The following DGAT2 variants were observed in gnomAD, a reference collection of about 807,000 sequenced individuals.
DGAT2 encodes the protein acyl-CoA retinol O-fatty-acyltransferase.
Under a neutral mutation model 48.4 loss-of-function variants are expected in DGAT2, and 33 were observed. The observed-to-expected ratio is 0.68, with a 90% CI of 0.52 to 0.91. The LOEUF (loss-of-function observed/expected upper bound fraction) is 0.91, where lower values mean the gene tolerates loss of function less well. Among genes scored for constraint, DGAT2 ranks in the 40% least tolerant of loss-of-function variants. DGAT2 has a pLI of 0.00. For synonymous variants in DGAT2, 191 were observed against 194.1 expected (o/e 0.98, Z 0.13); for missense variants, 446 against 493.7 (o/e 0.90, Z 0.92).
intron 1 of DGAT2, among the ~76,000 whole-genome samples, chr11:75,772,814 C>T (rs893604866): frequency 6.6e-6 from 1 of 152,020 alleles, no homozygotes; most frequent in African/African-American, 2.4e-5. Context: ...ATGGTAAAAC[C>T]CCTGTCTCTA....
At position 75,774,561 on chromosome 11, in the gene DGAT2, A is replaced by G. The variant is rs939293136; in HGVS notation, c.121+5449A>G. 5.9e-5 allele frequency among the ~76,000 whole-genome samples: 9 copies of G among 152,254 alleles called. No homozygotes were observed. In the East Asian group the frequency reaches 1.7e-3, roughly 29 times the overall value. ...CAGCCTTCTCATCTGCACAGTGAGG[A>G]GGACTGGTTGAGATGACCCCCTTGG... On this transcript the variant is annotated intron_variant, in intron 1 of 7. Coordinates refer to ENST00000228027, the MANE Select transcript of DGAT2 (RefSeq NM_032564.5).
At chr11:75,796,753 C>T in intron 5 of DGAT2, 1 of 570,658 alleles carries the variant, frequency 1.8e-6, no homozygotes, top group Non-Finnish European at 3.1e-6. Context: ...AGGAGGCCTT[C>T]TTTGACCCCC....
chr11:75,792,504 T>TGG (rs1402848759), intron 4 of DGAT2: 2 of 152,156 alleles, frequency 1.3e-5, no homozygotes, highest in East Asian at 3.9e-4. Context: ...CCACCCCCTT[T>TGG]TCCTGGCCTC....
chr11:75,796,499 A>T lies in DGAT2; in HGVS notation c.601A>T (p.Met201Leu). The change falls in exon 5 of 8, where the codon ATG becomes TTG. Residue 201 changes from methionine (M) to leucine (L), a missense_variant. Met to Leu is a conservative substitution (Grantham distance 15). Transcript: ENST00000228027. ...YLATLAGNFR[M>L]PVLREYLMSG... is the part of the protein sequence containing the mutation. ...GGCTACACTGGCAGGCAACTTCCGA[A>T]TGCCTGTGTTGAGGGAGTACCTGAT... 6.2e-7 allele frequency: 1 copy of T among 1,613,314 alleles called. No homozygotes were observed. The highest frequency in any genetic ancestry group is 2.2e-5 in the East Asian group (1 of 44,890).
intron 1 of DGAT2, among the ~76,000 whole-genome samples, chr11:75,772,690 T>C (rs1447035291): frequency 6.6e-6 from 1 of 152,234 alleles, no homozygotes; most frequent in African/African-American, 2.4e-5. Flanking sequence ...CCAGTAAGAA[T>C]ATCAGTCCCT....
intron 5 of DGAT2, chr11:75,796,877 C>T: frequency 2.2e-6 from 1 of 446,740 alleles, no homozygotes; most frequent in Non-Finnish European, 4.0e-6. Flanking sequence ...CATTGGGATC[C>T]CCAACACCTC....
intron 1 of DGAT2, among the ~76,000 whole-genome samples, chr11:75,770,731 T>C (rs1167816084): frequency 6.6e-6 from 1 of 152,204 alleles, no homozygotes; most frequent in African/African-American, 2.4e-5. Flanking sequence ...CTCTAGCGAA[T>C]GGTTTTAACC....
chr11:75,796,039 C>T lies in DGAT2; in HGVS notation c.430-289C>T, dbSNP rs1945047572. 2.9e-5 allele frequency: 11 copies of T among 383,586 alleles called. No individual in the cohort carries two copies. In the East Asian group the frequency reaches 5.6e-4, roughly 19 times the overall value. The allele number at this position is 383,586 out of a possible 1,614,324, so 23.8% of individuals were successfully genotyped here. Reference sequence around the variant, plus strand: ...GCCCAGAGGGAGGGAAGGCAGGAGGCTGGCAGAGTGCAAAGAAGAGCTGCT... The same window carrying T: ...GCCCAGAGGGAGGGAAGGCAGGAGGTTGGCAGAGTGCAAAGAAGAGCTGCT... On this transcript the variant is annotated intron_variant, in intron 4 of 7. Coordinates refer to ENST00000228027, the MANE Select transcript of DGAT2 (RefSeq NM_032564.5).
intron 1 of DGAT2, among the ~76,000 whole-genome samples, chr11:75,781,238 C>A (rs774955217): frequency 3.3e-5 from 5 of 152,264 alleles, no homozygotes; most frequent in Non-Finnish European, 7.3e-5. Context: ...AAGGAAAGGC[C>A]TTCTCTTTCC....
In DGAT2 at chr11:75,784,653, C is replaced by G. The variant is rs1219162384; in HGVS notation, c.157C>G (p.Leu53Val). 6.2e-7 allele frequency: 1 copy of G among 1,614,032 alleles called. No individual in the cohort carries two copies. The highest frequency in any genetic ancestry group is 8.5e-7 in the Non-Finnish European group (1 of 1,179,990). Reference sequence around the variant, plus strand: ...CAGCATCCTCTCCGCCCTCCAGGACCTCTTCTCTGTCACCTGGCTCAATAG... The same window carrying G: ...CAGCATCCTCTCCGCCCTCCAGGACGTCTTCTCTGTCACCTGGCTCAATAG... ...GSSILSALQD[L>V]FSVTWLNRSK... The change falls in exon 2 of 8, where the codon CTC becomes GTC. Residue 53 changes from leucine to valine, a missense_variant. Coordinates refer to ENST00000228027, the MANE Select transcript of DGAT2 (RefSeq NM_032564.5).
chr11:75,775,387 A>T (rs891230417), intron 1 of DGAT2, among the ~76,000 whole-genome samples: 1 of 152,224 alleles, frequency 6.6e-6, no homozygotes, highest in Non-Finnish European at 1.5e-5. Context: ...GCTCTCCAGT[A>T]GTTTGGCTTC....
At chr11:75,799,036 T>C (rs1005891425) in intron 7 of DGAT2, among the ~76,000 whole-genome samples, 9 of 152,322 alleles carry the variant, frequency 5.9e-5, no homozygotes, top group African/African-American at 2.2e-4. Flanking sequence ...TTCTAAAGAA[T>C]TACCTATTGT....
intron 1 of DGAT2, among the ~76,000 whole-genome samples, chr11:75,777,353 A>G (rs1944812667): frequency 6.6e-6 from 1 of 152,172 alleles, no homozygotes; most frequent in Admixed American, 6.5e-5. Flanking sequence ...TAAGAATCAG[A>G]GCCAGGGTTT....
Position 75,800,664 on chromosome 11 carries a change from A to G in DGAT2, c.*156A>G, listed in dbSNP as rs186425264. 1.0e-5 allele frequency: 10 copies of G among 983,646 alleles called. No homozygotes were observed. The Admixed American group carries it at 1.7e-4, about 17-fold the overall frequency. The allele number at this position is 983,646 out of a possible 1,614,324, so 60.9% of individuals were successfully genotyped here. On this transcript the variant is annotated 3_prime_UTR_variant, in exon 8 of 8. Transcript: ENST00000228027. ...ATGTTAGGTCTTTTTTAAGAAGGAA[A>G]AAGTCAGTATTTCAAGTTCTTTCAC...
Position 75,797,167 on chromosome 11 carries a change from C to T in DGAT2, c.644C>T (p.Pro215Leu). The change falls in exon 6 of 8, where the codon CCT becomes CTT. Residue 215 changes from proline to leucine, a missense_variant. Physicochemically the swap from Pro to Leu is moderately conservative, Grantham distance 98. Transcript: ENST00000228027. ...REYLMSGGICPVSRDTIDYLL... is the reference protein window; with the variant it reads ...REYLMSGGICLVSRDTIDYLL... ...CCTTCCCTCCCCTCAGGTATCTGCC[C>T]TGTCAGCCGGGACACCATAGACTAT... 1 of 1,491,382 alleles carries T rather than the reference C, an allele frequency of 6.7e-7. No homozygotes were observed. The allele number at this position is 1,491,382 out of a possible 1,614,324, so 92.4% of individuals were successfully genotyped here. A position where few individuals can be genotyped will look rare whatever the true frequency, so the allele number is the denominator to read the frequency against.
At position 75,784,713 on chromosome 11, in the gene DGAT2, G is replaced by T; in HGVS notation, c.217G>T (p.Val73Leu). ...KVEKQLQVIS[V>L]LQWVLSFLVL... is the part of the protein sequence containing the mutation. Reference sequence around the variant, plus strand: ...GGAAAAGCAGCTACAGGTCATCTCAGTGCTCCAGTGGGTCCTGTCCTTCCT... The same window carrying T: ...GGAAAAGCAGCTACAGGTCATCTCATTGCTCCAGTGGGTCCTGTCCTTCCT... The change falls in exon 2 of 8, where the codon GTG (valine) becomes TTG (leucine). Residue 73 changes from valine (V) to leucine (L), a missense_variant. Physicochemically the swap from Val to Leu is conservative, Grantham distance 32. Coordinates refer to ENST00000228027, the MANE Select transcript of DGAT2 (RefSeq NM_032564.5). 6.2e-7 allele frequency: 1 copy of T among 1,614,126 alleles called. No individual in the cohort carries two copies. The highest frequency in any genetic ancestry group is 2.2e-5 in the East Asian group (1 of 44,878).
chr11:75,794,570 A>G (rs960984202), intron 4 of DGAT2: 1 of 152,252 alleles, frequency 6.6e-6, no homozygotes. Flanking sequence ...TAAGAGGGAA[A>G]TTTTGGAAGC....
At chr11:75,796,709 G>T in intron 5 of DGAT2, 177 bp downstream of exon 5, 1 of 642,238 alleles carries the variant, frequency 1.6e-6, no homozygotes. Flanking sequence ...TGTCCATATG[G>T]TCTTGAGAAT....
At chr11:75,797,650 A>G (rs1945071501) in intron 6 of DGAT2, among the ~76,000 whole-genome samples, 1 of 152,130 alleles carries the variant, frequency 6.6e-6, no homozygotes, top group Admixed American at 6.5e-5. Flanking sequence ...GTCAGGAAGG[A>G]GGGTGGTGTG....
Sources: allele counts gnomAD v4.1 joint callset (sites outside exome capture counted in the v4.1 genomes callset), GRCh38; gene constraint gnomAD v4.1.1; transcripts MANE v1.5; gene names NCBI Gene and HGNC (gene_info 2026-07-23, HGNC 2026-07-21).